ANKRD39: variants seen among roughly 807,000 people sequenced by gnomAD.
ANKRD39 encodes the protein ankyrin repeat domain 39.
Under a neutral mutation model 20.3 loss-of-function variants are expected in ANKRD39, and 18 were observed. The observed-to-expected ratio is 0.89, with a 90% CI of 0.61 to 1.32. ANKRD39 has a LOEUF of 1.32. ANKRD39 is among the 40% of genes most tolerant of loss of function. The pLI, the probability that ANKRD39 is intolerant of heterozygous loss-of-function variation, is 0.00. For synonymous variants in ANKRD39, 106 were observed against 111.9 expected (o/e 0.95, Z 0.33); for missense variants, 243 against 250.7 (o/e 0.97, Z 0.21).
intron 3 of ANKRD39, among the ~76,000 whole-genome samples, chr2:96,851,962 G>A (rs929303040): frequency 6.6e-6 from 1 of 152,096 alleles, no homozygotes; most frequent in Non-Finnish European, 1.5e-5. Flanking sequence ...AGGATTGCTT[G>A]GGCCCAGGTG....
intron 1 of ANKRD39, 77 bp from the exon 2 acceptor site, chr2:96,854,518 T>G: frequency 7.4e-7 from 1 of 1,343,590 alleles, no homozygotes; most frequent in South Asian, 1.2e-5. Flanking sequence ...GACCTCAGTT[T>G]TCTTGTCTAT....
chr2:96,849,148 T>A (rs1008874256), intron 3 of ANKRD39, among the ~76,000 whole-genome samples: 2 of 152,112 alleles, frequency 1.3e-5, no homozygotes, highest in African/African-American at 4.8e-5. Context: ...CTTATATTTT[T>A]AAATTTTTAT....
At chr2:96,848,751 G>T (rs2079822862) in intron 3 of ANKRD39, among the ~76,000 whole-genome samples, 1 of 152,080 alleles carries the variant, frequency 6.6e-6, no homozygotes, top group South Asian at 2.1e-4. Flanking sequence ...AACCCGGGAG[G>T]CGGAGGTTGC....
At chr2:96,852,345 C>G (rs189240285) in intron 3 of ANKRD39, among the ~76,000 whole-genome samples, 201 of 142,568 alleles carry the variant, frequency 1.4e-3, no homozygotes, top group African/African-American at 5.3e-3. Context: ...TATAATCATG[C>G]CACTGTACTC....
chr2:96,850,532 G>A (rs1211281587), intron 3 of ANKRD39, among the ~76,000 whole-genome samples: 4 of 152,052 alleles, frequency 2.6e-5, no homozygotes, highest in Admixed American at 6.5e-5. Context: ...AGGCGTGGTG[G>A]TGCGTGCCTG....
At chr2:96,852,603 C>G (rs1373938028) in intron 3 of ANKRD39, among the ~76,000 whole-genome samples, 1 of 151,422 alleles carries the variant, frequency 6.6e-6, no homozygotes, top group Non-Finnish European at 1.5e-5. Flanking sequence ...AAGCAAGCCT[C>G]AAGGACTCCA....
chr2:96,850,371 GAC>G (rs2079830767), intron 3 of ANKRD39, among the ~76,000 whole-genome samples: 1 of 152,130 alleles, frequency 6.6e-6, no homozygotes, highest in African/African-American at 2.4e-5. Context: ...AGTTTTAAAA[GAC>G]ACATACGCAG....
intron 2 of ANKRD39, 79 bp downstream of exon 2, chr2:96,854,259 T>C: frequency 1.4e-6 from 2 of 1,395,088 alleles, no homozygotes; most frequent in Non-Finnish European, 2.0e-6. Flanking sequence ...AAGGTAACCA[T>C]CAGTCCCCCT....
chr2:96,850,335 A>C (rs912497343), intron 3 of ANKRD39, among the ~76,000 whole-genome samples: 4 of 152,210 alleles, frequency 2.6e-5, no homozygotes, highest in African/African-American at 7.2e-5. Flanking sequence ...ATTTTTACAA[A>C]AAATAAAATA....
chr2:96,857,886 AC>A lies in ANKRD39; in HGVS notation c.100+1del. 6.4e-7 allele frequency: 1 copy of A among 1,574,124 alleles called. No individual in the cohort carries two copies. On this transcript the variant is annotated splice_donor_variant, in intron 1 of 3. Transcript: ENST00000393537. LOFTEE classifies it high-confidence loss of function. ...ACCACGAGGGCCGCGCGGCAGCCTC[AC>A]CCCTCTCGAAGTCCATCTCCTCCAG...
At chr2:96,853,300 G>C (rs1012651143) in intron 3 of ANKRD39, 101 bp downstream of exon 3, 1 of 1,364,512 alleles carries the variant, frequency 7.3e-7, no homozygotes, top group East Asian at 2.5e-5. Flanking sequence ...GATTTTAACT[G>C]TCTTCTCTCT....
intron 1 of ANKRD39, 98 bp from the exon 2 acceptor site, chr2:96,854,539 A>G: frequency 4.4e-6 from 5 of 1,146,962 alleles, no homozygotes; most frequent in Non-Finnish European, 6.4e-6. Flanking sequence ...AAAGTGAAGA[A>G]TATTCATTCC....
At chr2:96,849,328 T>A (rs545339710) in intron 3 of ANKRD39, among the ~76,000 whole-genome samples, 6 of 152,106 alleles carry the variant, frequency 3.9e-5, no homozygotes, top group South Asian at 4.1e-4. Context: ...AACCTTTTTT[T>A]AAAAAATAAT....
chr2:96,855,333 C>G (rs1326828898), intron 1 of ANKRD39, among the ~76,000 whole-genome samples: 2 of 152,096 alleles, frequency 1.3e-5, no homozygotes, highest in Non-Finnish European at 2.9e-5. Flanking sequence ...CTCATTGAAA[C>G]AAAACAACAA....
chr2:96,850,870 C>T (rs886066896), intron 3 of ANKRD39, among the ~76,000 whole-genome samples: 2 of 152,186 alleles, frequency 1.3e-5, no homozygotes, highest in African/African-American at 4.8e-5. Flanking sequence ...CTGAGCAACA[C>T]CATTAAAAAT....
chr2:96,854,566 C>A, intron 1 of ANKRD39, 125 bp from the exon 2 acceptor site: 1 of 881,516 alleles, frequency 1.1e-6, no homozygotes, highest in South Asian at 1.6e-5. Context: ...AAATATCAAC[C>A]GAGCACCTCC....
chr2:96,853,365 A>G, intron 3 of ANKRD39, 36 bp downstream of exon 3: 1 of 1,545,238 alleles, frequency 6.5e-7, no homozygotes, highest in Non-Finnish European at 8.8e-7. Flanking sequence ...TTTAAAAATA[A>G]GGAAACGACA....
At position 96,848,553 on chromosome 2, in the gene ANKRD39, G is replaced by A. The variant is rs1559024282; in HGVS notation, c.409-109C>T. On this transcript the variant is annotated intron_variant, in intron 3 of 3. Coordinates refer to ENST00000393537, the MANE Select transcript of ANKRD39 (RefSeq NM_016466.6). ...TTCTAAAAAAGAGGCCTCTCTGGGC[G>A]CAGTGGCTCACGCCTGTAATCTCAG... is the stretch of plus-strand genomic sequence containing the variant. 12 of 1,425,552 alleles carry A rather than the reference G, an allele frequency of 8.4e-6. No homozygotes were observed. The Admixed American group carries it at 8.4e-5, about 10-fold the overall frequency. 88.3% of individuals were successfully genotyped at this position (1,425,552 alleles called of 1,614,324 possible). A position where few individuals can be genotyped will look rare whatever the true frequency, so the allele number is the denominator to read the frequency against.
At chr2:96,848,572 A>G in intron 3 of ANKRD39, 128 bp from the exon 4 acceptor site, 1 of 1,245,958 alleles carries the variant, frequency 8.0e-7, no homozygotes. Context: ...CACGCCTGTA[A>G]TCTCAGCACT....
Sources: gnomAD v4.1 joint callset for allele counts (sites outside exome capture counted in the v4.1 genomes callset) on GRCh38, gnomAD v4.1.1 for gene constraint, MANE v1.5 for transcripts, NCBI Gene and HGNC (gene_info 2026-07-23, HGNC 2026-07-21) for gene names.